Variants in RBM20 observed in about 807,000 individuals in gnomAD.
RBM20 encodes the protein RNA binding motif protein 20, also known as RNA-binding protein 20.
A neutral mutation model predicts 110.1 loss-of-function variants in RBM20; 51 were observed. That is an observed-to-expected ratio of 0.46 (90% CI 0.37 to 0.59). The LOEUF (loss-of-function observed/expected upper bound fraction) is 0.59. Ranked by LOEUF, RBM20 falls within the 20% of genes least tolerant of loss-of-function variation. The probability of loss-of-function intolerance (pLI) is 0.00; values close to 1 mark genes in which losing one functional copy is unlikely to be tolerated. For missense variants in RBM20, 1,512 were observed against 1,574.9 expected, an observed-to-expected ratio of 0.96 and a Z score of 0.68; for synonymous variants, 589 against 618.2, an observed-to-expected ratio of 0.95 and a Z score of 0.70.
rs1042726950 is a variant in RBM20, at chr10:110,739,633, T to A, written c.192-41168T>A. ...ACTGACGTGGTGGTGGAAGGCAGAG[T>A]GGCAGGGGAAAGAGCACCAGCATCA... is the stretch of plus-strand genomic sequence containing the variant. On this transcript the variant is annotated intron_variant, in intron 1 of 13. Transcript: ENST00000369519. The surrounding 1 kb of genome is among the most constrained non-coding windows in gnomAD (Gnocchi z 4.1). Among the ~76,000 whole-genome samples the A allele has an allele frequency of 4.6e-5, 7 of 151,914 alleles. No individual in the cohort carries two copies. Among genetic ancestry groups the A allele is most frequent in the Admixed American group, 1.3e-4 (2 of 15,262 alleles).
chr10:110,713,035 C>T (rs1272466478), intron 1 of RBM20, among the ~76,000 whole-genome samples: 2 of 152,168 alleles, frequency 1.3e-5, no homozygotes, highest in South Asian at 2.1e-4. Context: ...CCCAGAATAC[C>T]TCTTGTGATG....
At chr10:110,797,747 G>A in intron 6 of RBM20, 99 bp downstream of exon 6, 1 of 1,294,840 alleles carries the variant, frequency 7.7e-7, no homozygotes. Context: ...TTAACATAAA[G>A]AGGCGATGCC....
rs1318275478 is a variant in RBM20, at chr10:110,644,533, C to T, written c.79C>T (p.Pro27Ser). ...EQPDRVACSVPGARASPAPSG... is the reference protein window; with the variant it reads ...EQPDRVACSVSGARASPAPSG... ...GCCGGACAGAGTTGCCTGCAGTGTG[C>T]CTGGTGCCCGGGCGTCCCCGGCACC... Residue 27 changes from proline (P) to serine (S), a missense_variant, in exon 1 of 14, where the codon CCT becomes TCT. By Grantham distance (74) the Pro-to-Ser change is moderately conservative. Around this residue, in one of 3 missense-constraint regions of RBM20, gnomAD observed 1,149 missense variants for 1,169.4 expected, o/e 0.98. Coordinates refer to ENST00000369519, the MANE Select transcript of RBM20 (RefSeq NM_001134363.3). This position sits in a 1 kb window ranked among gnomAD's most constrained non-coding sequence, Gnocchi z 4.3. The T allele has an allele frequency of 6.5e-7, 1 of 1,528,906 alleles. No individual in the cohort carries two copies. 94.7% of individuals were successfully genotyped at this position (1,528,906 alleles called of 1,614,324 possible). A position where few individuals can be genotyped will look rare whatever the true frequency, so the allele number is the denominator to read the frequency against.
chr10:110,700,381 T>A (rs1862739566), intron 1 of RBM20, among the ~76,000 whole-genome samples: 1 of 152,182 alleles, frequency 6.6e-6, no homozygotes, highest in African/African-American at 2.4e-5. Flanking sequence ...TTAGGGAGTG[T>A]GGAATTGGCA....
intron 1 of RBM20, among the ~76,000 whole-genome samples, chr10:110,730,988 G>C (rs540188410): frequency 7.9e-4 from 121 of 152,338 alleles, no homozygotes; most frequent in South Asian, 2.5e-3. Flanking sequence ...CAGTGGGCTA[G>C]AGCTCTTTAA....
Position 110,831,044 on chromosome 10 carries a change from C to G in RBM20, c.3452-17C>G, listed in dbSNP as rs974182621. ...TGCCATCCTAACCCTGCGTGTCTAT[C>G]CCCCATCCTTTCCCAGGGGTGGAGT... On this transcript the variant is annotated splice_polypyrimidine_tract_variant and intron_variant, in intron 12 of 13. Transcript: ENST00000369519. 6.5e-7 allele frequency: 1 copy of G among 1,547,984 alleles called. No homozygotes were observed. The highest frequency in any genetic ancestry group is 8.7e-7 in the Non-Finnish European group (1 of 1,144,096).
chr10:110,713,378 A>C (rs968412319), intron 1 of RBM20, among the ~76,000 whole-genome samples: 1 of 152,194 alleles, frequency 6.6e-6, no homozygotes, highest in Non-Finnish European at 1.5e-5. Context: ...CTTGCTGTTA[A>C]GTAAGGAACA....
intron 1 of RBM20, among the ~76,000 whole-genome samples, chr10:110,655,969 A>G (rs1862021176): frequency 6.6e-6 from 1 of 151,804 alleles, no homozygotes; most frequent in Admixed American, 6.6e-5. Flanking sequence ...TAAAGCATCC[A>G]TCAGGATCCA....
intron 5 of RBM20, among the ~76,000 whole-genome samples, chr10:110,794,806 G>A (rs904456518): frequency 1.3e-5 from 2 of 152,216 alleles, no homozygotes; most frequent in Admixed American, 6.5e-5. Flanking sequence ...CTTTGGTAAC[G>A]ACATCTTCAG....
At chr10:110,701,897 C>T (rs12570388) in intron 1 of RBM20, among the ~76,000 whole-genome samples, 44,550 of 152,092 alleles carry the variant, frequency 0.29, 8,186 homozygotes, top group East Asian at 0.65. Context: ...AGAGAGCTAA[C>T]GGGGGATTAT....
chr10:110,822,833 C>T (rs1047222954), intron 11 of RBM20, among the ~76,000 whole-genome samples: 4 of 152,006 alleles, frequency 2.6e-5, no homozygotes, highest in Admixed American at 1.3e-4. Context: ...TTTACCTGCA[C>T]GGATCTGAGT....
At chr10:110,771,286 T>G (rs1023361167) in intron 1 of RBM20, among the ~76,000 whole-genome samples, 1 of 152,002 alleles carries the variant, frequency 6.6e-6, no homozygotes, top group African/African-American at 2.4e-5. Flanking sequence ...CCACTATGCC[T>G]GGCTAATTTT....
intron 1 of RBM20, among the ~76,000 whole-genome samples, chr10:110,767,081 T>A: frequency 2.3e-5 from 1 of 43,786 alleles, no homozygotes; most frequent in African/African-American, 8.0e-5. Context: ...GGGCGGGGGG[T>A]GACCCCCCCA....
intron 1 of RBM20, among the ~76,000 whole-genome samples, chr10:110,763,873 T>C (rs991660528): frequency 5.3e-5 from 8 of 152,004 alleles, no homozygotes; most frequent in Non-Finnish European, 8.8e-5. Flanking sequence ...ATAATTATCT[T>C]TTGTGGTGGT....
chr10:110,767,240 G>C (rs571425920), intron 1 of RBM20, among the ~76,000 whole-genome samples: 3 of 139,938 alleles, frequency 2.1e-5, no homozygotes, highest in African/African-American at 8.1e-5. Context: ...CCTCCCGGAC[G>C]GGGTGGCTGG....
intron 1 of RBM20, among the ~76,000 whole-genome samples, chr10:110,656,152 A>G (rs886372151): frequency 2.6e-5 from 4 of 151,992 alleles, no homozygotes; most frequent in Admixed American, 1.3e-4. Context: ...AATACAAAAA[A>G]TTTGCCGGGC....
At chr10:110,749,799 T>TA (rs962816065) in intron 1 of RBM20, among the ~76,000 whole-genome samples, 5 of 151,860 alleles carry the variant, frequency 3.3e-5, no homozygotes, top group African/African-American at 4.8e-5. Flanking sequence ...TAGCTTTCTA[T>TA]AAAAAAAGAT....
chr10:110,807,379 C>T (rs1020565491), intron 7 of RBM20, among the ~76,000 whole-genome samples: 1 of 152,210 alleles, frequency 6.6e-6, no homozygotes, highest in African/African-American at 2.4e-5. Flanking sequence ...CTTCTAAGCT[C>T]ACTCTAACTG....
At chr10:110,703,981 G>A (rs963915758) in intron 1 of RBM20, among the ~76,000 whole-genome samples, 1 of 152,072 alleles carries the variant, frequency 6.6e-6, no homozygotes, top group African/African-American at 2.4e-5. Context: ...TTGTGGTGGT[G>A]TGCACCTGTA....
Sources: gnomAD v4.1 joint callset for allele counts (sites outside exome capture counted in the v4.1 genomes callset) on GRCh38, gnomAD v4.1.1 for gene constraint, gnomAD v4.1.1 regional missense constraint, Gnocchi (gnomAD v3.1) non-coding constraint, MANE v1.5 for transcripts, NCBI Gene and HGNC (gene_info 2026-07-23, HGNC 2026-07-21) for gene names.